The following NTRK1 variants were observed in gnomAD, a reference collection of about 807,000 sequenced individuals.
The protein encoded by NTRK1 is neurotrophic receptor tyrosine kinase 1.
Under a neutral mutation model 86.8 loss-of-function variants are expected in NTRK1, and 62 were observed. That is an observed-to-expected ratio of 0.71 (90% confidence interval 0.58 to 0.88). The LOEUF is 0.88. Ranked by LOEUF, NTRK1 falls within the 40% of genes least tolerant of loss-of-function variation. The pLI is 0.00. For synonymous variants in NTRK1, 469 were observed against 456.6 expected, an observed-to-expected ratio of 1.03 and a Z score of -0.35; for missense variants, 967 against 1,078.4, an observed-to-expected ratio of 0.90 and a Z score of 1.45.
upstream of NTRK1, chr1:156,860,861 C>G: frequency 7.2e-7 from 1 of 1,382,728 alleles, no homozygotes; most frequent in East Asian, 2.9e-5. Flanking sequence ...GCGCACATGT[C>G]GGGGGAGGCC....
At chr1:156,849,029 C>T (rs760919533) in intron 2 of NTRK1, 5 of 1,613,350 alleles carry the variant, frequency 3.1e-6, no homozygotes, top group Non-Finnish European at 4.2e-6. Context: ...GGACACGAAG[C>T]GCAGGGTGCG....
At chr1:156,840,918 G>T (rs1205985001) in intron 1 of NTRK1, 1 of 1,613,944 alleles carries the variant, frequency 6.2e-7, no homozygotes, top group Non-Finnish European at 8.5e-7. Flanking sequence ...CTCTTGGAGT[G>T]GGTGAGGAGT....
At chr1:156,817,334 G>A (rs1211007588) in intron 1 of NTRK1, among the ~76,000 whole-genome samples, 4 of 152,038 alleles carry the variant, frequency 2.6e-5, no homozygotes, top group African/African-American at 9.7e-5. Context: ...TGTAATCCCA[G>A]TACTTTGGGA....
chr1:156,871,312 T>A (rs1483840196), intron 6 of NTRK1, among the ~76,000 whole-genome samples: 1 of 152,166 alleles, frequency 6.6e-6, no homozygotes, highest in East Asian at 1.9e-4. Flanking sequence ...CCCAATACTT[T>A]GGGAGGCCGA....
intron 1 of NTRK1, among the ~76,000 whole-genome samples, chr1:156,822,593 C>G (rs140407128): frequency 1.5e-5 from 2 of 133,676 alleles, no homozygotes; most frequent in African/African-American, 6.1e-5. Context: ...TCTCAAAGAC[C>G]GAGGCTAAAA....
At chr1:156,846,738 C>G (rs1655027296) in intron 2 of NTRK1, 1 of 1,613,898 alleles carries the variant, frequency 6.2e-7, no homozygotes, top group African/African-American at 1.3e-5. Context: ...CCCACGTGCT[C>G]TGTGGCGTTC....
chr1:156,859,599 A>G (rs1232759529), upstream of NTRK1, among the ~76,000 whole-genome samples: 1 of 152,036 alleles, frequency 6.6e-6, no homozygotes, highest in Non-Finnish European at 1.5e-5. This position sits in a 1 kb window ranked among gnomAD's most constrained non-coding sequence, Gnocchi z 6.2. Context: ...AGGCTCCGTC[A>G]CCGCCTAGTC....
chr1:156,831,508 TGGAGGGGGTGGACAG>T (rs1654465909), intron 1 of NTRK1, among the ~76,000 whole-genome samples: 1 of 151,918 alleles, frequency 6.6e-6, no homozygotes. Flanking sequence ...TGGCAGTGCT[TGGAGGGGGTGGACAG>T]GGATGGTGAA....
chr1:156,845,728 G>A (rs780680844), intron 2 of NTRK1: 1 of 1,613,854 alleles, frequency 6.2e-7, no homozygotes, highest in Non-Finnish European at 8.5e-7. Flanking sequence ...TGCTGGCAAG[G>A]GCAGCAGTCG....
Position 156,820,722 on chromosome 1 carries a change from C to T in NTRK1, c.-64+4884C>T, listed in dbSNP as rs374736652. 1.4e-4 allele frequency among the ~76,000 whole-genome samples: 21 copies of T among 152,280 alleles called. No homozygotes were observed. In the East Asian group the frequency reaches 2.7e-3, roughly 20 times the overall value. On this transcript the variant is annotated intron_variant, in intron 1 of 16. Transcript: ENST00000392302. ...TAATTCGAAGTTGGATAATGTGATG[C>T]CTCCAGATTTGTTCTTTTTGCATAG...
intron 9 of NTRK1, 79 bp downstream of exon 9, chr1:156,874,479 T>C (rs1647769538): frequency 5.6e-6 from 9 of 1,610,052 alleles, no homozygotes; most frequent in Non-Finnish European, 7.7e-6. Context: ...GCTGAACTGA[T>C]CCCTGAGAGA....
intron 4 of NTRK1, among the ~76,000 whole-genome samples, chr1:156,867,724 A>T (rs1647246796): frequency 6.7e-6 from 1 of 149,390 alleles, no homozygotes; most frequent in African/African-American, 2.5e-5. Context: ...GCTGGAGTGC[A>T]GTGGCACAAT....
chr1:156,815,855 TTC>T (rs751380885), intron 1 of NTRK1: 1 of 1,608,644 alleles, frequency 6.2e-7, no homozygotes, highest in Non-Finnish European at 8.5e-7. Context: ...CTCATTTTCG[TTC>T]TCTCTCTCTG....
chr1:156,841,680 G>C, intron 1 of NTRK1: 8 of 1,614,102 alleles, frequency 5.0e-6, no homozygotes, highest in Non-Finnish European at 6.8e-6. Flanking sequence ...ATCCGAGTGG[G>C]TGGTGAAGAT....
At chr1:156,853,865 TC>T (rs1655316407) in intron 2 of NTRK1, 1 of 1,613,954 alleles carries the variant, frequency 6.2e-7, no homozygotes, top group African/African-American at 1.3e-5. Flanking sequence ...GTCAGCACAC[TC>T]CTCGCCCAGC....
chr1:156,880,102 T>C lies in NTRK1; in HGVS notation c.2150T>C (p.Leu717Pro). The change falls in exon 16 of 17, where the codon CTC (leucine) becomes CCC (proline). Residue 717 changes from leucine to proline, a missense_variant. Around this residue, in one of 2 missense-constraint regions of NTRK1, gnomAD observed 637 missense variants for 776.5 expected, o/e 0.82. Transcript: ENST00000524377. Reference sequence around the variant, plus strand: ...GACGTGTGGAGCTTCGGCGTGGTGCTCTGGGAGATCTTCACCTACGGCAAG... The same window carrying C: ...GACGTGTGGAGCTTCGGCGTGGTGCCCTGGGAGATCTTCACCTACGGCAAG... ...ESDVWSFGVV[L>P]WEIFTYGKQP... 1 of 1,612,276 alleles carries C rather than the reference T, an allele frequency of 6.2e-7. No homozygotes were observed. The highest frequency in any genetic ancestry group is 8.5e-7 in the Non-Finnish European group (1 of 1,179,806).
At position 156,866,855 on chromosome 1, in the gene NTRK1, A is replaced by C. The variant is rs951925684; in HGVS notation, c.360-55A>C. 1.9e-6 allele frequency: 3 copies of C among 1,573,644 alleles called. No individual in the cohort carries two copies. The African/African-American group carries it at 4.0e-5, about 21-fold the overall frequency. On this transcript the variant is annotated intron_variant, in intron 3 of 16. Coordinates refer to ENST00000524377, the MANE Select transcript of NTRK1 (RefSeq NM_002529.4). Reference sequence around the variant, plus strand: ...GCTCCTCCCCTCCCTCATTCTGGTCAGAGTGAGGTCGGGTCACTCAAGGGG... The same window carrying C: ...GCTCCTCCCCTCCCTCATTCTGGTCCGAGTGAGGTCGGGTCACTCAAGGGG...
At position 156,816,198 on chromosome 1, in the gene NTRK1, A is replaced by G; in HGVS notation, c.-64+360A>G. 3.4e-6 allele frequency: 5 copies of G among 1,465,500 alleles called. No individual in the cohort carries two copies. The East Asian group carries it at 9.8e-5, about 29-fold the overall frequency. The allele number at this position is 1,465,500 out of a possible 1,614,324, so 90.8% of individuals were successfully genotyped here. ...CTCAGGGGATCTGGAGGGCTGGGAC[A>G]GTCTTAACGACAGGAAAAACGCAGA... On this transcript the variant is annotated intron_variant, in intron 1 of 16. Transcript: ENST00000392302.
At chr1:156,846,036 T>A in intron 2 of NTRK1, 1 of 1,613,992 alleles carries the variant, frequency 6.2e-7, no homozygotes, top group Non-Finnish European at 8.5e-7. Flanking sequence ...AGGTTCCCAT[T>A]GCGCTGGGTC....
Sources: allele counts gnomAD v4.1 joint callset (sites outside exome capture counted in the v4.1 genomes callset), GRCh38; gene constraint gnomAD v4.1.1; regional missense constraint gnomAD v4.1.1; non-coding constraint Gnocchi (gnomAD v3.1); transcripts MANE v1.5; gene names NCBI Gene and HGNC (gene_info 2026-07-23, HGNC 2026-07-21).